Variants in PCDHGB7 observed in about 807,000 individuals in gnomAD.
The protein encoded by PCDHGB7 is protocadherin gamma-B7.
PCDHGB7 carries 37 observed loss-of-function variants against 61.4 expected under a neutral mutation model. The observed-to-expected ratio is 0.60, with a 90% CI of 0.46 to 0.79. The LOEUF (loss-of-function observed/expected upper bound fraction) is 0.79, where lower values mean the gene tolerates loss of function less well. PCDHGB7 is among the 30% of genes least tolerant of loss of function. PCDHGB7 has a pLI of 0.00. For missense variants in PCDHGB7, 1,166 were observed against 1,202.5 expected (o/e 0.97, Z 0.45); for synonymous variants, 464 against 503.5 (o/e 0.92, Z 1.05).
chr5:141,422,304 A>C (rs1265775894), intron 1 of PCDHGB7: 2 of 1,548,406 alleles, frequency 1.3e-6, no homozygotes. Context: ...CAATTCTGGA[A>C]AACTCTCCTC....
At chr5:141,484,454 G>T (rs932663778) in intron 1 of PCDHGB7, among the ~76,000 whole-genome samples, 2 of 152,212 alleles carry the variant, frequency 1.3e-5, no homozygotes, top group Non-Finnish European at 2.9e-5. Context: ...AATTGGCTAC[G>T]TTAATGTGTA....
chr5:141,467,993 C>A (rs984508296), intron 1 of PCDHGB7, among the ~76,000 whole-genome samples: 1 of 152,058 alleles, frequency 6.6e-6, no homozygotes, highest in Admixed American at 6.6e-5. Context: ...AACCACAATT[C>A]TTTCTTCCTC....
At position 141,487,421 on chromosome 5, in the gene PCDHGB7, C is replaced by A. The variant is rs1365581881; in HGVS notation, c.2416-7386C>A. On this transcript the variant is annotated intron_variant, in intron 1 of 3. Coordinates refer to ENST00000398594, the MANE Select transcript of PCDHGB7 (RefSeq NM_018927.4). This position sits in a 1 kb window ranked among gnomAD's most constrained non-coding sequence, Gnocchi z 5.0. ...GGGGCTTCCCCCTTCCAATGGGATC[C>A]TCCGAATCCAGCTAGGGTCAGATGA... 2 of 1,614,026 alleles carry A rather than the reference C, an allele frequency of 1.2e-6. No individual in the cohort carries two copies. Among genetic ancestry groups the A allele is most frequent in the South Asian group, 1.1e-5 (1 of 91,086 alleles).
chr5:141,465,257 T>C (rs968727090), intron 1 of PCDHGB7, among the ~76,000 whole-genome samples: 19 of 152,310 alleles, frequency 1.2e-4, no homozygotes, highest in Admixed American at 1.2e-3. Flanking sequence ...TTGTAAGCAA[T>C]GATACTAGCC....
intron 1 of PCDHGB7, among the ~76,000 whole-genome samples, chr5:141,464,648 G>A (rs776411908): frequency 6.6e-6 from 1 of 152,020 alleles, no homozygotes; most frequent in African/African-American, 2.4e-5. Flanking sequence ...AACCTGATGG[G>A]TAAAAAGATA....
At chr5:141,497,595 A>C (rs973413640) in intron 2 of PCDHGB7, among the ~76,000 whole-genome samples, 1 of 147,414 alleles carries the variant, frequency 6.8e-6, no homozygotes, top group East Asian at 2.0e-4. Context: ...GCTGGAGTGC[A>C]GTGGTGCGAT....
rs1173424447 is a variant in PCDHGB7, at chr5:141,418,577, C to T, written c.718C>T (p.Pro240Ser). The change falls in exon 1 of 4, where the codon CCA (proline) becomes TCA (serine). Residue 240 changes from proline to serine, a missense_variant. Pro to Ser is a moderately conservative substitution (Grantham distance 74, BLOSUM62 -1). Transcript: ENST00000398594. ...GGTAATAGATGCCAATGACAACCCC[C>T]CAGTGTTCAGCCAGGACGTGTACAG... ...ILVIDANDNP[P>S]VFSQDVYRVS... 2 of 1,614,038 alleles carry T rather than the reference C, an allele frequency of 1.2e-6. No homozygotes were observed. Among genetic ancestry groups the T allele is most frequent in the South Asian group, 1.1e-5 (1 of 91,088 alleles).
At chr5:141,478,832 G>A in intron 1 of PCDHGB7, 1 of 1,435,464 alleles carries the variant, frequency 7.0e-7, no homozygotes, top group South Asian at 1.5e-5. Context: ...TCTTGCTAAG[G>A]GATGGTTAAG....
rs377701820 is a variant in PCDHGB7 at position 141,422,031 on chromosome 5, G to A, written c.2415+1757G>A. On this transcript the variant is annotated intron_variant, in intron 1 of 3. Coordinates refer to ENST00000398594, the MANE Select transcript of PCDHGB7 (RefSeq NM_018927.4). ...CTCGGGTGCTGATGGTTAATGCAAC[G>A]GATCCAGACGAGGGAATCAACGGGG... 127 of 1,610,494 alleles carry A rather than the reference G, an allele frequency of 7.9e-5. No individual in the cohort carries two copies. In the East Asian group the frequency reaches 2.4e-3, roughly 31 times the overall value.
chr5:141,476,054 A>T lies in PCDHGB7; in HGVS notation c.2416-18753A>T. The T allele has an allele frequency of 3.3e-6, 5 of 1,504,982 alleles. No homozygotes were observed. The highest frequency in any genetic ancestry group is 4.4e-6 in the Non-Finnish European group (5 of 1,134,040). 93.2% of individuals were successfully genotyped at this position (1,504,982 alleles called of 1,614,324 possible). A position where few individuals can be genotyped will look rare whatever the true frequency, so the allele number is the denominator to read the frequency against. ...AGCGCCCAAGCGCTAACCCGCTGAA[A>T]GTTTCTCAGCGAAATCTCAGGGACG... On this transcript the variant is annotated intron_variant, in intron 1 of 3. Coordinates refer to ENST00000398594, the MANE Select transcript of PCDHGB7 (RefSeq NM_018927.4). The surrounding 1 kb of genome is among the most constrained non-coding windows in gnomAD (Gnocchi z 7.6).
Position 141,420,935 on chromosome 5 carries a change from A to G in PCDHGB7, c.2415+661A>G, listed in dbSNP as rs542779087. ...GTGATTCACAAAGGTGAGCGTAATCATTTCTTCTGGAATTTCTTAGTCGTT... is the reference window on the plus strand; with the variant it reads ...GTGATTCACAAAGGTGAGCGTAATCGTTTCTTCTGGAATTTCTTAGTCGTT... On this transcript the variant is annotated intron_variant, in intron 1 of 3. Coordinates refer to ENST00000398594, the MANE Select transcript of PCDHGB7 (RefSeq NM_018927.4). 2.6e-5 allele frequency: 10 copies of G among 380,486 alleles called. 1 individual carries two copies. Among genetic ancestry groups the G allele is most frequent in the African/African-American group, 1.7e-4 (8 of 47,720 alleles). The allele number at this position is 380,486 out of a possible 1,614,324, so 23.6% of individuals were successfully genotyped here.
At chr5:141,428,088 C>G (rs761980796) in intron 1 of PCDHGB7, 5 of 1,608,920 alleles carry the variant, frequency 3.1e-6, no homozygotes, top group Non-Finnish European at 4.2e-6. Context: ...CAACGCTTGG[C>G]TGTCCTACCA....
At chr5:141,470,682 T>C (rs2099236741) in intron 1 of PCDHGB7, among the ~76,000 whole-genome samples, 1 of 152,138 alleles carries the variant, frequency 6.6e-6, no homozygotes, top group Non-Finnish European at 1.5e-5. Flanking sequence ...TGTTACCATC[T>C]TGAAATTCTT....
chr5:141,455,737 A>T (rs1290390106), intron 1 of PCDHGB7, among the ~76,000 whole-genome samples: 1 of 152,162 alleles, frequency 6.6e-6, no homozygotes, highest in Non-Finnish European at 1.5e-5. Context: ...TTTGCATATC[A>T]AAGGTTGCTG....
chr5:141,430,832 G>A (rs1398773861), intron 1 of PCDHGB7: 1 of 1,555,686 alleles, frequency 6.4e-7, no homozygotes, highest in South Asian at 1.3e-5. Flanking sequence ...GACTCTGTGG[G>A]AGACCGGATG....
intron 1 of PCDHGB7, among the ~76,000 whole-genome samples, chr5:141,473,785 A>G (rs1240342191): frequency 6.6e-6 from 1 of 152,226 alleles, no homozygotes; most frequent in Non-Finnish European, 1.5e-5. Context: ...TTAATTCAAG[A>G]GCAGTATGAT....
intron 2 of PCDHGB7, among the ~76,000 whole-genome samples, chr5:141,499,573 A>AT (rs2099792803): frequency 1.3e-5 from 2 of 152,108 alleles, no homozygotes; most frequent in Non-Finnish European, 2.9e-5. Context: ...AGCTTCAACT[A>AT]ATGCCTTATC....
intron 1 of PCDHGB7, among the ~76,000 whole-genome samples, chr5:141,468,963 C>G (rs951670777): frequency 1.3e-5 from 2 of 150,940 alleles, no homozygotes; most frequent in Admixed American, 6.6e-5. Context: ...TTTTTTTTAC[C>G]TTAGGCTTTT....
intron 1 of PCDHGB7, among the ~76,000 whole-genome samples, chr5:141,481,731 A>G (rs1339022274): frequency 6.6e-6 from 1 of 152,060 alleles, no homozygotes; most frequent in African/African-American, 2.4e-5. Context: ...AGGCGGGCGG[A>G]TCACGAGGTC....
Sources: gnomAD v4.1 joint callset for allele counts (sites outside exome capture counted in the v4.1 genomes callset) on GRCh38, gnomAD v4.1.1 for gene constraint, Gnocchi (gnomAD v3.1) non-coding constraint, MANE v1.5 for transcripts, NCBI Gene and HGNC (gene_info 2026-07-23, HGNC 2026-07-21) for gene names.